The following KALRN variants were observed in gnomAD, a reference collection of about 807,000 sequenced individuals.
The protein encoded by KALRN is kalirin.
KALRN carries 70 observed loss-of-function variants against 353.7 expected under a neutral mutation model. The ratio of observed to expected loss-of-function variants is 0.20; its 90% CI spans 0.16 to 0.24. The LOEUF is 0.24. Ranked by LOEUF, KALRN falls within the 10% of genes least tolerant of loss-of-function variation. The pLI is 1.00. For synonymous variants in KALRN, 1,391 were observed against 1,434.8 expected (o/e 0.97, Z 0.69); for missense variants, 2,791 against 3,756.7 (o/e 0.74, Z 6.72).
intron 11 of KALRN, among the ~76,000 whole-genome samples, chr3:124,388,458 G>A (rs1200414715): frequency 1.3e-5 from 2 of 152,222 alleles, no homozygotes; most frequent in East Asian, 3.9e-4. Flanking sequence ...GTGCTAATAT[G>A]TGTAGTACAC....
chr3:124,397,939 G>A lies in KALRN; in HGVS notation c.2172-758G>A, dbSNP rs561163907. Among the ~76,000 whole-genome samples the A allele has an allele frequency of 1.1e-4, 17 of 152,280 alleles. No individual in the cohort carries two copies. In the South Asian group the frequency reaches 3.5e-3, roughly 32 times the overall value. ...TAATAATTATCCATACATGTTACTG[G>A]TCTTAGTTCATGTGCACTCTTATTT... On this transcript the variant is annotated intron_variant, in intron 12 of 59. Coordinates refer to ENST00000682506, the MANE Select transcript of KALRN (RefSeq NM_001388419.1).
chr3:124,464,520 T>C (rs185999401), intron 25 of KALRN, among the ~76,000 whole-genome samples: 2 of 152,196 alleles, frequency 1.3e-5, no homozygotes, highest in East Asian at 1.9e-4. Context: ...AATTAAACCA[T>C]AGAGAATCTC....
intron 6 of KALRN, among the ~76,000 whole-genome samples, chr3:124,301,814 G>A (rs550954345): frequency 2.6e-4 from 39 of 152,196 alleles, no homozygotes; most frequent in Admixed American, 6.5e-4. Flanking sequence ...TCACTGCAGC[G>A]TTTCCGTTCT....
At chr3:124,306,053 G>A (rs1165603999) in intron 6 of KALRN, among the ~76,000 whole-genome samples, 1 of 152,020 alleles carries the variant, frequency 6.6e-6, no homozygotes, top group Non-Finnish European at 1.5e-5. Flanking sequence ...ATCAAACACA[G>A]AATATCAGTA....
rs147290272 is a variant in KALRN at position 124,405,866 on chromosome 3, G to A, written c.2346+6995G>A. 8.9e-3 allele frequency among the ~76,000 whole-genome samples: 1,349 copies of A among 152,066 alleles called. 21 individuals are homozygous for A. The highest frequency in any genetic ancestry group is 0.031 in the Middle Eastern group (9 of 294). ...TCACTGTGTTAGCCAGGATGGCCTC[G>A]ATCTCCTGACCTCGTGATCCGCCCG... On this transcript the variant is annotated intron_variant, in intron 13 of 59. Coordinates refer to ENST00000682506, the MANE Select transcript of KALRN (RefSeq NM_001388419.1).
intron 1 of KALRN, among the ~76,000 whole-genome samples, chr3:124,128,911 G>A (rs544012667): frequency 2.6e-4 from 40 of 152,136 alleles, no homozygotes; most frequent in African/African-American, 9.6e-4. Context: ...TGTGTTAGCT[G>A]CCCTGTTGGC....
At chr3:124,282,379 C>CTTTTTTTTTTT (rs34148546) in intron 5 of KALRN, among the ~76,000 whole-genome samples, 1 of 134,808 alleles carries the variant, frequency 7.4e-6, no homozygotes, top group Non-Finnish European at 1.6e-5. Context: ...CTACATTTTT[C>CTTTTTTTTTTT]TTTTTTTTTT....
At chr3:124,489,453 C>T (rs2062908382) in intron 29 of KALRN, among the ~76,000 whole-genome samples, 1 of 152,182 alleles carries the variant, frequency 6.6e-6, no homozygotes, top group Non-Finnish European at 1.5e-5. Flanking sequence ...ACCAACACCA[C>T]CTTGGGAGAC....
At chr3:124,419,797 G>A (rs1015164331) in intron 14 of KALRN, among the ~76,000 whole-genome samples, 1 of 152,174 alleles carries the variant, frequency 6.6e-6, no homozygotes, top group Non-Finnish European at 1.5e-5. Context: ...CCTGACAAAT[G>A]ATTTCCTCAC....
intron 10 of KALRN, among the ~76,000 whole-genome samples, chr3:124,368,940 C>T (rs2085426697): frequency 6.6e-6 from 1 of 152,094 alleles, no homozygotes; most frequent in African/African-American, 2.4e-5. Context: ...ATCGCAGGCA[C>T]TCGGCAGGCT....
chr3:124,709,500 AC>A (rs1272737134), intron 57 of KALRN, among the ~76,000 whole-genome samples: 1 of 151,330 alleles, frequency 6.6e-6, no homozygotes, highest in African/African-American at 2.4e-5. Flanking sequence ...CTGGTCTTGA[AC>A]TCTTGTCCTC....
At chr3:124,644,637 C>T (rs747776029) in intron 37 of KALRN, among the ~76,000 whole-genome samples, 3 of 152,170 alleles carry the variant, frequency 2.0e-5, no homozygotes, top group Admixed American at 6.5e-5. Flanking sequence ...TCCTCCATGT[C>T]CCCGCAAAGG....
intron 5 of KALRN, among the ~76,000 whole-genome samples, chr3:124,298,442 C>T (rs2077014175): frequency 6.6e-6 from 1 of 152,198 alleles, no homozygotes; most frequent in East Asian, 1.9e-4. Flanking sequence ...GCAGGAGATG[C>T]ATTAAGCCTC....
Position 124,562,957 on chromosome 3 carries a change from C to T in KALRN, c.5050C>T (p.Arg1684Trp), listed in dbSNP as rs748367644. The change falls in exon 34 of 60, where the codon CGG becomes TGG. Residue 1684 changes from arginine (R) to tryptophan (W), a missense_variant. This residue lies in a region of KALRN where 239 missense variants were observed against 351.3 expected (regional missense o/e 0.68). Transcript: ENST00000682506. ...AGAGCTGCTGGAGCGGCCCAGCGAG[C>T]GGCCTGGTTGGTGTCTGGTCCGTAC... ...TVELLERPSE[R>W]PGWCLVRTTE... 29 of 1,367,798 alleles carry T rather than the reference C, an allele frequency of 2.1e-5. No homozygotes were observed. Among genetic ancestry groups the T allele is most frequent in the Non-Finnish European group, 2.4e-5 (25 of 1,022,028 alleles). 84.7% of individuals were successfully genotyped at this position (1,367,798 alleles called of 1,614,324 possible). A position where few individuals can be genotyped will look rare whatever the true frequency, so the allele number is the denominator to read the frequency against.
Position 124,719,404 on chromosome 3 carries a change from G to A in KALRN, c.8895G>A (p.Gln2965=), listed in dbSNP as rs375697537. 4.3e-6 allele frequency: 7 copies of A among 1,614,074 alleles called. No homozygotes were observed. Among genetic ancestry groups the A allele is most frequent in the Non-Finnish European group, 5.9e-6 (7 of 1,180,060 alleles). The part of the protein sequence containing the change: ...LACFIERRKH[Q]NDVRPIPNVK... ...GCTTCATAGAACGTCGCAAGCACCAGAATGATGTGCGGCCTATTCCCAATG... is the reference window on the plus strand; with the variant it reads ...GCTTCATAGAACGTCGCAAGCACCAAAATGATGTGCGGCCTATTCCCAATG... Residue 2965 remains glutamine, a synonymous_variant, in exon 60 of 60, where the codon CAG becomes CAA. Transcript: ENST00000682506. This position sits in a 1 kb window ranked among gnomAD's most constrained non-coding sequence, Gnocchi z 5.3.
intron 25 of KALRN, among the ~76,000 whole-genome samples, chr3:124,470,992 TC>T (rs1251473133): frequency 1.3e-5 from 2 of 152,198 alleles, no homozygotes; most frequent in African/African-American, 4.8e-5. Context: ...ATCAAGATTT[TC>T]CCAGGATATG....
At chr3:124,535,629 T>C (rs1224124751) in intron 33 of KALRN, among the ~76,000 whole-genome samples, 2 of 152,218 alleles carry the variant, frequency 1.3e-5, no homozygotes, top group African/African-American at 4.8e-5. Flanking sequence ...TCTTTTCTCT[T>C]CTGATCAGAA....
intron 33 of KALRN, among the ~76,000 whole-genome samples, chr3:124,526,443 C>T (rs763033473): frequency 3.9e-5 from 6 of 151,986 alleles, no homozygotes; most frequent in East Asian, 1.9e-4. Context: ...AGCATGGTGG[C>T]GTGCACCTGT....
rs2093855961 is a variant in KALRN, at chr3:124,446,833, A to G, written c.3500A>G (p.Glu1167Gly). Residue 1167 changes from glutamate (E) to glycine (G), a missense_variant, in exon 21 of 60, where the codon GAG becomes GGG. By Grantham distance (98) the Glu-to-Gly change is moderately conservative. Transcript: ENST00000682506. ...STHTSTGETT[E>G]ETQELLKEYG... Reference sequence around the variant, plus strand: ...CATACCTCCACTGGAGAGACCACAGAGGAGACTCAGGAACTGCTGAAAGAA... The same window carrying G: ...CATACCTCCACTGGAGAGACCACAGGGGAGACTCAGGAACTGCTGAAAGAA... 1 of 1,613,826 alleles carries G rather than the reference A, an allele frequency of 6.2e-7. No individual in the cohort carries two copies.
Sources: gnomAD v4.1 joint callset for allele counts (sites outside exome capture counted in the v4.1 genomes callset) on GRCh38, gnomAD v4.1.1 for gene constraint, gnomAD v4.1.1 regional missense constraint, Gnocchi (gnomAD v3.1) non-coding constraint, MANE v1.5 for transcripts, NCBI Gene and HGNC (gene_info 2026-07-23, HGNC 2026-07-21) for gene names.